The following ATF7IP variants were observed in gnomAD, a reference collection of about 807,000 sequenced individuals.
ATF7IP encodes the protein activating transcription factor 7 interacting protein, also known as activating transcription factor 7-interacting protein 1.
Under a neutral mutation model 106.4 loss-of-function variants are expected in ATF7IP, and 23 were observed. The observed-to-expected ratio is 0.22, with a 90% confidence interval of 0.16 to 0.31. The LOEUF (loss-of-function observed/expected upper bound fraction) is 0.31. Among genes scored for constraint, ATF7IP ranks in the 10% least tolerant of loss-of-function variants. The pLI is 1.00. For synonymous variants in ATF7IP, 542 were observed against 539.0 expected, an observed-to-expected ratio of 1.01 and a Z score of -0.08; for missense variants, 1,334 against 1,524.3, an observed-to-expected ratio of 0.88 and a Z score of 2.08.
chr12:14,381,867 G>GTTT (rs55929147), intron 1 of ATF7IP, among the ~76,000 whole-genome samples: 4 of 148,402 alleles, frequency 2.7e-5, no homozygotes, highest in Non-Finnish European at 3.0e-5. Flanking sequence ...ATTAATTCTA[G>GTTT]TTTTTTTTTT....
At chr12:14,429,906 A>G (rs7977971) in intron 2 of ATF7IP, among the ~76,000 whole-genome samples, 7,586 of 152,252 alleles carry the variant, frequency 0.05, 650 homozygotes, top group African/African-American at 0.17. Context: ...GAGGAAGATC[A>G]TTTTTCAAAT....
chr12:14,459,734 A>T (rs1276274903), intron 8 of ATF7IP, among the ~76,000 whole-genome samples: 1 of 152,208 alleles, frequency 6.6e-6, no homozygotes, highest in Admixed American at 6.5e-5. Context: ...AAAGACTATA[A>T]ATCAATGAGA....
chr12:14,494,339 G>GTGTGTGTA (rs1944938207), intron 13 of ATF7IP, among the ~76,000 whole-genome samples: 1 of 106,410 alleles, frequency 9.4e-6, no homozygotes, highest in African/African-American at 3.5e-5. Context: ...ATATATGTGT[G>GTGTGTGTA]TGTGTATATG....
At chr12:14,455,413 G>A (rs2136698555) in intron 6 of ATF7IP, among the ~76,000 whole-genome samples, 1 of 152,180 alleles carries the variant, frequency 6.6e-6, no homozygotes, top group South Asian at 2.1e-4. Context: ...TGTCATACTA[G>A]AAGGTTGAAA....
chr12:14,436,366 G>T, intron 4 of ATF7IP, 115 bp downstream of exon 4: 1 of 1,080,660 alleles, frequency 9.3e-7, no homozygotes, highest in Non-Finnish European at 1.3e-6. Context: ...ATCATAGAAA[G>T]AAAGAACTTG....
chr12:14,423,542 C>A (rs1224604281), intron 1 of ATF7IP, among the ~76,000 whole-genome samples: 1 of 91,600 alleles, frequency 1.1e-5, no homozygotes, highest in African/African-American at 4.4e-5. Context: ...TGTTCTTACA[C>A]TTTTATTTTT....
At chr12:14,449,527 C>T (rs763282470) in intron 6 of ATF7IP, among the ~76,000 whole-genome samples, 1 of 151,744 alleles carries the variant, frequency 6.6e-6, no homozygotes, top group Admixed American at 6.6e-5. Context: ...TCACTTTTTT[C>T]GATTATTGTA....
At chr12:14,473,288 C>G (rs201057766) in intron 10 of ATF7IP, among the ~76,000 whole-genome samples, 5,867 of 140,346 alleles carry the variant, frequency 0.042, 158 homozygotes, top group African/African-American at 0.05. Context: ...CTCTCTCTCT[C>G]TCTGTGTGTG....
chr12:14,388,558 G>C (rs1008575809), intron 1 of ATF7IP, among the ~76,000 whole-genome samples: 1 of 152,072 alleles, frequency 6.6e-6, no homozygotes. Flanking sequence ...TGTTGGCTAG[G>C]CTGGTCTTGA....
At chr12:14,368,789 T>C (rs1027860342) in intron 1 of ATF7IP, among the ~76,000 whole-genome samples, 3 of 152,208 alleles carry the variant, frequency 2.0e-5, no homozygotes, top group Non-Finnish European at 4.4e-5. Flanking sequence ...TATTTTTCTA[T>C]GATGAGTGTT....
intron 8 of ATF7IP, among the ~76,000 whole-genome samples, chr12:14,458,622 G>A (rs929083134): frequency 3.3e-5 from 5 of 152,124 alleles, no homozygotes; most frequent in African/African-American, 9.6e-5. Context: ...CAGGAGTTCC[G>A]GGCCTGCCGG....
Position 14,498,021 on chromosome 12 carries a change from C to T in ATF7IP, c.3761C>T (p.Pro1254Leu). Residue 1254 changes from proline to leucine, a missense_variant, in exon 15 of 15, where the codon CCT (proline) becomes CTT (leucine). By Grantham distance (98) the Pro-to-Leu change is moderately conservative. This residue lies in a region of ATF7IP where 80 missense variants were observed against 157.0 expected (regional missense o/e 0.51). Coordinates refer to ENST00000261168, the MANE Select transcript of ATF7IP (RefSeq NM_018179.5). Reference sequence around the variant, plus strand: ...AAGGATATTTATGGACGTTTTGGGCCTTTCTGTGATCCTCAGTCAACAGAT... The same window carrying T: ...AAGGATATTTATGGACGTTTTGGGCTTTTCTGTGATCCTCAGTCAACAGAT... ...RAKDIYGRFG[P>L]FCDPQSTDVI... The T allele has an allele frequency of 6.2e-7, 1 of 1,612,968 alleles. No homozygotes were observed.
intron 8 of ATF7IP, 137 bp from the exon 9 acceptor site, chr12:14,460,358 G>T (rs927919347): frequency 4.7e-6 from 4 of 850,566 alleles, no homozygotes; most frequent in Non-Finnish European, 6.8e-6. Flanking sequence ...TTTAAATCTG[G>T]AAAAAAATTT....
chr12:14,440,991 A>G (rs1328512139), intron 5 of ATF7IP, among the ~76,000 whole-genome samples: 2 of 152,192 alleles, frequency 1.3e-5, no homozygotes, highest in Admixed American at 6.5e-5. Flanking sequence ...ATTGAATGGC[A>G]TTTGGGTTGT....
intron 11 of ATF7IP, among the ~76,000 whole-genome samples, chr12:14,477,397 T>C (rs950609195): frequency 2.6e-5 from 4 of 152,222 alleles, no homozygotes; most frequent in African/African-American, 7.2e-5. Flanking sequence ...CTTTCACTTA[T>C]CTCTATTGCT....
Position 14,475,092 on chromosome 12 carries a change from G to A in ATF7IP, c.2863-798G>A, listed in dbSNP as rs549074038. Among the ~76,000 whole-genome samples, 27 of 152,242 alleles carry A rather than the reference G, an allele frequency of 1.8e-4. No homozygotes were observed. The South Asian group carries it at 2.3e-3, about 13-fold the overall frequency. On this transcript the variant is annotated intron_variant, in intron 10 of 14. Transcript: ENST00000261168. ...CCTTTATCATTTGGAATTGATCTCA[G>A]TATAATATATCAAAGTAAATTGTGA...
intron 1 of ATF7IP, among the ~76,000 whole-genome samples, chr12:14,423,574 CTTTT>C: frequency 3.7e-3 from 128 of 34,390 alleles, no homozygotes; most frequent in Middle Eastern, 0.019. Flanking sequence ...TCTTCAGGTA[CTTTT>C]TTTTTTTTTT....
At chr12:14,419,475 G>A (rs964327606) in intron 1 of ATF7IP, 9 of 151,922 alleles carry the variant, frequency 5.9e-5, no homozygotes, top group South Asian at 2.1e-4. Context: ...TGAGAAATGC[G>A]GATATTATGA....
At position 14,379,401 on chromosome 12, in the gene ATF7IP, C is replaced by T. The variant is rs1267630559; in HGVS notation, c.-8+13574C>T. Among the ~76,000 whole-genome samples the T allele has an allele frequency of 2.6e-5, 4 of 152,246 alleles. No individual in the cohort carries two copies. The South Asian group carries it at 6.2e-4, about 24-fold the overall frequency. ...CCAATTAAACTTCTTAATAAATTAC[C>T]CATTTTCAAATATTTCTTTATAGCA... On this transcript the variant is annotated intron_variant, in intron 1 of 14. Transcript: ENST00000261168.
Sources: allele counts gnomAD v4.1 joint callset (sites outside exome capture counted in the v4.1 genomes callset), GRCh38; gene constraint gnomAD v4.1.1; regional missense constraint gnomAD v4.1.1; transcripts MANE v1.5; gene names NCBI Gene and HGNC (gene_info 2026-07-23, HGNC 2026-07-21).